Variants in ULK4 observed in about 807,000 individuals in gnomAD.
The protein encoded by ULK4 is inactive serine/threonine-protein kinase ULK4.
ULK4 carries 133 observed loss-of-function variants against 160.6 expected under a neutral mutation model. The observed-to-expected ratio is 0.83, with a 90% CI of 0.72 to 0.96. ULK4 has a LOEUF of 0.96. Ranked by LOEUF, ULK4 falls within the 40% of genes least tolerant of loss-of-function variation. The pLI is 0.00. For synonymous variants in ULK4, 534 were observed against 539.8 expected, an observed-to-expected ratio of 0.99 and a Z score of 0.15; for missense variants, 1,580 against 1,499.5, an observed-to-expected ratio of 1.05 and a Z score of -0.89.
intron 17 of ULK4, among the ~76,000 whole-genome samples, chr3:41,853,692 G>A (rs895781541): frequency 6.6e-6 from 1 of 152,132 alleles, no homozygotes; most frequent in African/African-American, 2.4e-5. Context: ...ACAAGCCAAA[G>A]CAACAGTTTT....
intron 32 of ULK4, among the ~76,000 whole-genome samples, chr3:41,494,778 C>T (rs1282903595): frequency 2.0e-5 from 3 of 152,082 alleles, no homozygotes; most frequent in African/African-American, 7.2e-5. Context: ...CATTCTTATA[C>T]ACCAATAACA....
At chr3:41,417,878 T>G (rs2082564526) in intron 34 of ULK4, among the ~76,000 whole-genome samples, 1 of 152,180 alleles carries the variant, frequency 6.6e-6, no homozygotes, top group African/African-American at 2.4e-5. Flanking sequence ...TCTATTTAAG[T>G]TAAAGCCACT....
At chr3:41,933,525 T>C (rs1208390957) in intron 4 of ULK4, among the ~76,000 whole-genome samples, 1 of 152,202 alleles carries the variant, frequency 6.6e-6, no homozygotes, top group Non-Finnish European at 1.5e-5. Context: ...CAACCTTCGC[T>C]AACCCCTGTT....
At chr3:41,610,019 TA>T (rs1247757195) in intron 31 of ULK4, among the ~76,000 whole-genome samples, 2 of 151,236 alleles carry the variant, frequency 1.3e-5, no homozygotes, top group Non-Finnish European at 2.9e-5. Flanking sequence ...CAAATAATTT[TA>T]TTTTTTTTTT....
At chr3:41,934,700 A>G (rs1380180451) in intron 4 of ULK4, among the ~76,000 whole-genome samples, 5 of 152,212 alleles carry the variant, frequency 3.3e-5, no homozygotes, top group Non-Finnish European at 7.4e-5. Context: ...AGTAGGTTTC[A>G]TGACTCTACT....
At chr3:41,411,294 A>G (rs1372749909) in intron 34 of ULK4, among the ~76,000 whole-genome samples, 1 of 151,956 alleles carries the variant, frequency 6.6e-6, no homozygotes. Flanking sequence ...TAACATCAAC[A>G]CATACCTTTG....
intron 17 of ULK4, among the ~76,000 whole-genome samples, chr3:41,856,145 T>C (rs2042332084): frequency 6.6e-6 from 1 of 152,122 alleles, no homozygotes; most frequent in Admixed American, 6.6e-5. Context: ...CAGCTTAATA[T>C]AAGAAACAAA....
intron 30 of ULK4, among the ~76,000 whole-genome samples, chr3:41,629,043 T>C (rs1398860453): frequency 6.6e-6 from 1 of 152,238 alleles, no homozygotes; most frequent in African/African-American, 2.4e-5. Flanking sequence ...TTGAATTTCA[T>C]CTTTATAGTG....
At chr3:41,904,723 C>T (rs1436937732) in intron 12 of ULK4, among the ~76,000 whole-genome samples, 4 of 152,096 alleles carry the variant, frequency 2.6e-5, no homozygotes, top group African/African-American at 9.7e-5. Flanking sequence ...CTTCACATTA[C>T]ATCAAAACTA....
intron 34 of ULK4, among the ~76,000 whole-genome samples, chr3:41,423,376 T>C (rs1414207411): frequency 1.3e-5 from 2 of 152,002 alleles, no homozygotes; most frequent in Non-Finnish European, 2.9e-5. Flanking sequence ...AAAGGGAAAA[T>C]TTGCTAGGCA....
At chr3:41,291,348 G>C (rs748555625) in intron 35 of ULK4, among the ~76,000 whole-genome samples, 1 of 128,770 alleles carries the variant, frequency 7.8e-6, no homozygotes, top group Non-Finnish European at 1.7e-5. Flanking sequence ...AGGAAGGAAG[G>C]AGAAAGAGAA....
At chr3:41,937,046 T>C in intron 3 of ULK4, 1 of 374,078 alleles carries the variant, frequency 2.7e-6, no homozygotes, top group East Asian at 4.1e-5. Context: ...ACACATACTA[T>C]ATACCTACAA....
At chr3:41,556,487 CTTTTT>C (rs34888775) in intron 32 of ULK4, among the ~76,000 whole-genome samples, 33 of 117,054 alleles carry the variant, frequency 2.8e-4, no homozygotes, top group African/African-American at 1.1e-3. Flanking sequence ...CTCTACCAAA[CTTTTT>C]TTTTTTTTTT....
rs113705549 is a variant in ULK4 at position 41,376,414 on chromosome 3, G to A, written c.3678+21665C>T. The stretch of plus-strand genomic sequence containing the variant: ...AGAGACTGGATAAAGAAAATGTGGC[G>A]GAAAAGAGGAAATCAAATTGTCCCT... On this transcript the variant is annotated intron_variant, in intron 35 of 36. Transcript: ENST00000301831. Among the ~76,000 whole-genome samples, 925 of 149,990 alleles carry A rather than the reference G, an allele frequency of 6.2e-3. 93 individuals carry two copies. Among genetic ancestry groups the A allele is most frequent in the African/African-American group, 0.022 (869 of 40,224 alleles).
chr3:41,380,328 G>A (rs1256755234), intron 35 of ULK4, among the ~76,000 whole-genome samples: 1 of 152,152 alleles, frequency 6.6e-6, no homozygotes, highest in Non-Finnish European at 1.5e-5. Flanking sequence ...TACATATGAA[G>A]AATGTTATAA....
chr3:41,643,447 A>G (rs1179791020), intron 30 of ULK4, among the ~76,000 whole-genome samples: 2 of 152,162 alleles, frequency 1.3e-5, no homozygotes, highest in Non-Finnish European at 1.5e-5. Context: ...ATTAAATAGG[A>G]AATCCTTTCC....
intron 35 of ULK4, among the ~76,000 whole-genome samples, chr3:41,272,343 G>GT (rs3038324): frequency 0.019 from 1,816 of 95,362 alleles, 42 homozygotes; most frequent in East Asian, 0.075. Context: ...AATTTTGAAA[G>GT]TTTTTTTTTT....
intron 34 of ULK4, among the ~76,000 whole-genome samples, chr3:41,441,179 C>T (rs906853034): frequency 6.6e-6 from 1 of 152,014 alleles, no homozygotes; most frequent in Admixed American, 6.6e-5. Flanking sequence ...CTTTCTTCTA[C>T]TTACGTTGGG....
Position 41,644,506 on chromosome 3 carries a change from T to C in ULK4, c.3071+19101A>G, listed in dbSNP as rs1397474706. On this transcript the variant is annotated intron_variant, in intron 30 of 36. Coordinates refer to ENST00000301831, the MANE Select transcript of ULK4 (RefSeq NM_017886.4). ...ATGTTGGATTACATTTATTGATTTG[T>C]GTATATTGAACCAGCCTTGCATCCC... 9.2e-5 allele frequency among the ~76,000 whole-genome samples: 14 copies of C among 152,234 alleles called. No homozygotes were observed. The East Asian group carries it at 9.6e-4, about 10-fold the overall frequency.
Sources: gnomAD v4.1 joint callset for allele counts (sites outside exome capture counted in the v4.1 genomes callset) on GRCh38, gnomAD v4.1.1 for gene constraint, MANE v1.5 for transcripts, NCBI Gene and HGNC (gene_info 2026-07-23, HGNC 2026-07-21) for gene names.